ARMC2: variants seen among roughly 807,000 people sequenced by gnomAD.
ARMC2 encodes armadillo repeat containing 2.
Under a neutral mutation model 90.3 loss-of-function variants are expected in ARMC2, and 67 were observed. The observed-to-expected ratio is 0.74, with a 90% CI of 0.61 to 0.91. The LOEUF (loss-of-function observed/expected upper bound fraction) is 0.91. ARMC2 is among the 40% of genes least tolerant of loss of function. The pLI is 0.00. For missense variants in ARMC2, 920 were observed against 1,030.9 expected (o/e 0.89, Z 1.47); for synonymous variants, 393 against 393.0 (o/e 1.00, Z 0.00).
chr6:108,967,347 G>A (rs1778443024), intron 17 of ARMC2, among the ~76,000 whole-genome samples: 1 of 152,188 alleles, frequency 6.6e-6, no homozygotes, highest in South Asian at 2.1e-4. Context: ...CCAAGCCTGG[G>A]GCAATCAGCC....
At chr6:108,953,559 TAATA>T (rs1256773271) in intron 13 of ARMC2, among the ~76,000 whole-genome samples, 1 of 152,226 alleles carries the variant, frequency 6.6e-6, no homozygotes, top group Non-Finnish European at 1.5e-5. Context: ...GAAAACATAG[TAATA>T]GAGATTATTA....
intron 8 of ARMC2, among the ~76,000 whole-genome samples, chr6:108,905,442 C>T (rs1388362569): frequency 2.6e-5 from 4 of 151,646 alleles, no homozygotes; most frequent in Admixed American, 6.6e-5. Flanking sequence ...AGGGCTCTGG[C>T]GGTGCAGCAG....
intron 12 of ARMC2, among the ~76,000 whole-genome samples, chr6:108,950,803 C>T (rs940073270): frequency 6.6e-6 from 1 of 152,144 alleles, no homozygotes; most frequent in African/African-American, 2.4e-5. Context: ...GACTTGTCTT[C>T]TGCTGCCTGC....
chr6:109,018,123 T>C, the ARMC2 span, among the ~76,000 whole-genome samples: 3 of 152,222 alleles, frequency 2.0e-5, no homozygotes, highest in African/African-American at 7.2e-5. Context: ...TCCTTGTATA[T>C]TATCAGTGGT....
the ARMC2 span, among the ~76,000 whole-genome samples, chr6:108,994,042 A>G: frequency 6.6e-6 from 1 of 150,626 alleles, no homozygotes; most frequent in Non-Finnish European, 1.5e-5. Flanking sequence ...CAGGAAGCTG[A>G]GGCAGGATGA....
intron 17 of ARMC2, among the ~76,000 whole-genome samples, chr6:108,966,848 G>A (rs1190508927): frequency 6.6e-6 from 1 of 152,204 alleles, no homozygotes; most frequent in South Asian, 2.1e-4. Context: ...ATGAGGCTGA[G>A]AATCTGTGTT....
the ARMC2 span, among the ~76,000 whole-genome samples, chr6:109,007,972 A>G: frequency 1.3e-5 from 2 of 152,118 alleles, no homozygotes; most frequent in Non-Finnish European, 2.9e-5. Context: ...GAATTGTGTT[A>G]TTCTTTTTGT....
chr6:108,975,953 C>G (rs181220626), downstream of ARMC2, among the ~76,000 whole-genome samples: 279 of 152,200 alleles, frequency 1.8e-3, 2 homozygotes, highest in African/African-American at 6.5e-3. Context: ...CTGTAGGTTG[C>G]CTGTTCACTC....
At chr6:108,980,184 C>T in the ARMC2 span, among the ~76,000 whole-genome samples, 4 of 152,110 alleles carry the variant, frequency 2.6e-5, no homozygotes, top group South Asian at 6.2e-4. Flanking sequence ...TCTGAGTGGA[C>T]GTCCTTTTTG....
the ARMC2 span, among the ~76,000 whole-genome samples, chr6:109,024,939 T>C: frequency 1.3e-5 from 2 of 152,182 alleles, no homozygotes. Context: ...ATGGCCGAAC[T>C]GGCAAAGTAA....
the ARMC2 span, among the ~76,000 whole-genome samples, chr6:108,984,482 T>C: frequency 6.6e-6 from 1 of 152,148 alleles, no homozygotes; most frequent in Admixed American, 6.6e-5. Flanking sequence ...ACTAATCCCA[T>C]TCATGAGAGC....
the ARMC2 span, chr6:109,009,524 C>G: frequency 8.5e-7 from 1 of 1,182,322 alleles, no homozygotes; most frequent in Non-Finnish European, 1.0e-6. Flanking sequence ...GCCGCGGCTC[C>G]TGGCTGCAGC....
the ARMC2 span, chr6:109,009,484 CGCGCGGAG>C: frequency 8.1e-7 from 1 of 1,238,038 alleles, no homozygotes; most frequent in Non-Finnish European, 1.0e-6. Flanking sequence ...CGGCTGCGGA[CGCGCGGAG>C]GCGGCGAGCG....
chr6:108,974,539 A>G (rs1036440220), downstream of ARMC2: 10 of 152,142 alleles, frequency 6.6e-5, no homozygotes, highest in African/African-American at 2.4e-4. Context: ...ATAAAAATAA[A>G]TTTGCTGGCT....
intron 7 of ARMC2, 97 bp downstream of exon 7, chr6:108,899,889 G>A: frequency 2.2e-6 from 2 of 889,712 alleles, no homozygotes; most frequent in African/African-American, 1.7e-5. Flanking sequence ...GATATTTTTA[G>A]TAAGTTTTCA....
At chr6:108,866,835 C>T (rs1328504376) in intron 3 of ARMC2, among the ~76,000 whole-genome samples, 3 of 151,970 alleles carry the variant, frequency 2.0e-5, no homozygotes, top group Admixed American at 6.5e-5. Flanking sequence ...GTTTATAAAT[C>T]GATCCTAAAT....
chr6:108,994,140 T>TAAA, the ARMC2 span, among the ~76,000 whole-genome samples: 14 of 100,260 alleles, frequency 1.4e-4, no homozygotes, highest in African/African-American at 3.0e-4. Flanking sequence ...CCCTGTTTCT[T>TAAA]AAAAAAAAAA....
chr6:108,855,319 G>A (rs569866849), intron 2 of ARMC2, among the ~76,000 whole-genome samples: 1 of 150,060 alleles, frequency 6.7e-6, no homozygotes, highest in Non-Finnish European at 1.5e-5. Flanking sequence ...CACGATCTCA[G>A]CTCACTGCAA....
At chr6:109,037,030 G>A in the ARMC2 span, among the ~76,000 whole-genome samples, 1 of 152,008 alleles carries the variant, frequency 6.6e-6, no homozygotes, top group Non-Finnish European at 1.5e-5. Context: ...CAGGGCCCCC[G>A]CCCATAATGT....
Sources: allele counts gnomAD v4.1 joint callset (sites outside exome capture counted in the v4.1 genomes callset), GRCh38; gene constraint gnomAD v4.1.1; transcripts MANE v1.5; gene names NCBI Gene and HGNC (gene_info 2026-07-23, HGNC 2026-07-21).